The following RALGPS2 variants were observed in gnomAD, a reference collection of about 807,000 sequenced individuals.
RALGPS2 encodes the protein Ral GEF with PH domain and SH3 binding motif 2.
RALGPS2 carries 43 observed loss-of-function variants against 86.8 expected under a neutral mutation model. The observed-to-expected ratio is 0.50, with a 90% CI of 0.39 to 0.64. RALGPS2 has a LOEUF of 0.64. RALGPS2 is among the 30% of genes least tolerant of loss of function. RALGPS2 has a pLI of 0.00. For missense variants in RALGPS2, 536 were observed against 694.6 expected, an observed-to-expected ratio of 0.77 and a Z score of 2.57; for synonymous variants, 243 against 231.3, an observed-to-expected ratio of 1.05 and a Z score of -0.46.
chr1:178,890,682 C>G lies in RALGPS2; in HGVS notation c.1247+986C>G, dbSNP rs1346452327. On this transcript the variant is annotated intron_variant, in intron 14 of 19. Transcript: ENST00000367635. Reference sequence around the variant, plus strand: ...TTTATGTGACTTCATAAAGATTTCTCACTATTATGTGATTAAGATTTTGTT... The same window carrying G: ...TTTATGTGACTTCATAAAGATTTCTGACTATTATGTGATTAAGATTTTGTT... 2.0e-5 allele frequency among the ~76,000 whole-genome samples: 3 copies of G among 151,848 alleles called. 1 individual carries two copies. The highest frequency in any genetic ancestry group is 7.2e-5 in the African/African-American group (3 of 41,410).
At chr1:178,856,198 GAGAGATATATATAT>G (rs1353366627) in intron 8 of RALGPS2, among the ~76,000 whole-genome samples, 6 of 47,268 alleles carry the variant, frequency 1.3e-4, no homozygotes, top group African/African-American at 3.1e-4. Flanking sequence ...TCCAGAGAGA[GAGAGATATATATAT>G]ATATATATAT....
intron 8 of RALGPS2, among the ~76,000 whole-genome samples, chr1:178,834,254 T>G (rs1656162787): frequency 6.6e-6 from 1 of 152,154 alleles, no homozygotes; most frequent in African/African-American, 2.4e-5. Flanking sequence ...TACATTAAAA[T>G]GAATTGATTT....
At chr1:178,840,299 G>A (rs1257424278) in intron 8 of RALGPS2, among the ~76,000 whole-genome samples, 4 of 152,056 alleles carry the variant, frequency 2.6e-5, no homozygotes, top group Non-Finnish European at 5.9e-5. Context: ...ACAACAAACT[G>A]CCTCTCAGAC....
intron 15 of RALGPS2, among the ~76,000 whole-genome samples, chr1:178,893,499 A>G (rs1157886630): frequency 2.8e-5 from 4 of 143,928 alleles, no homozygotes; most frequent in African/African-American, 1.0e-4. Context: ...TTTTATATAT[A>G]CTTAAATACT....
At chr1:178,898,777 A>G (rs943014082) in intron 17 of RALGPS2, among the ~76,000 whole-genome samples, 6 of 152,076 alleles carry the variant, frequency 3.9e-5, no homozygotes, top group Admixed American at 1.3e-4. Flanking sequence ...TAGCTCTTGC[A>G]TTGAGATAAA....
chr1:178,815,180 A>G (rs931993714), intron 6 of RALGPS2, among the ~76,000 whole-genome samples: 3 of 152,086 alleles, frequency 2.0e-5, no homozygotes, highest in Non-Finnish European at 2.9e-5. Context: ...TCCTGGGTTC[A>G]TGTGATTCTC....
At chr1:178,829,016 A>G (rs1256169548) in intron 7 of RALGPS2, among the ~76,000 whole-genome samples, 2 of 152,196 alleles carry the variant, frequency 1.3e-5, no homozygotes, top group African/African-American at 4.8e-5. Flanking sequence ...TATGGAACCA[A>G]CCTAAATGTC....
chr1:178,831,493 G>C (rs1234821135), intron 7 of RALGPS2, among the ~76,000 whole-genome samples: 1 of 151,982 alleles, frequency 6.6e-6, no homozygotes, highest in Non-Finnish European at 1.5e-5. Context: ...ATCTGGTCAG[G>C]AACATCTAGA....
At chr1:178,776,346 A>G (rs1653082897) in intron 1 of RALGPS2, among the ~76,000 whole-genome samples, 1 of 152,172 alleles carries the variant, frequency 6.6e-6, no homozygotes, top group Non-Finnish European at 1.5e-5. Context: ...GGTATGTGTT[A>G]CTTTGCCACC....
intron 16 of RALGPS2, among the ~76,000 whole-genome samples, 181 bp from the exon 17 acceptor site, chr1:178,897,483 A>G (rs903902659): frequency 1.3e-5 from 2 of 152,050 alleles, no homozygotes; most frequent in Admixed American, 1.3e-4. Flanking sequence ...GTCTACAAAC[A>G]GGTAGTTACA....
At chr1:178,737,089 G>T (rs1261118119) in intron 1 of RALGPS2, among the ~76,000 whole-genome samples, 1 of 151,914 alleles carries the variant, frequency 6.6e-6, no homozygotes, top group African/African-American at 2.4e-5. Context: ...GTATTTCATT[G>T]AATCTAAAAT....
chr1:178,828,830 G>A lies in RALGPS2; in HGVS notation c.481-4594G>A, dbSNP rs185606307. Among the ~76,000 whole-genome samples the A allele has an allele frequency of 2.4e-3, 360 of 152,280 alleles. 1 individual carries two copies. The highest frequency in any genetic ancestry group is 8.1e-3 in the South Asian group (39 of 4,812). On this transcript the variant is annotated intron_variant, in intron 7 of 19. Coordinates refer to ENST00000367635, the MANE Select transcript of RALGPS2 (RefSeq NM_152663.5). Reference sequence around the variant, plus strand: ...ACTGTTGTACAGTGTTGGTGGGAATGTAAATTGGTACAGTCATGGAAAACA... The same window carrying A: ...ACTGTTGTACAGTGTTGGTGGGAATATAAATTGGTACAGTCATGGAAAACA...
chr1:178,902,686 A>G (rs1412343746), intron 18 of RALGPS2, among the ~76,000 whole-genome samples: 1 of 152,138 alleles, frequency 6.6e-6, no homozygotes, highest in African/African-American at 2.4e-5. Context: ...ATCACTTTTA[A>G]TTAAATTATT....
intron 8 of RALGPS2, chr1:178,850,691 C>T (rs2102289399): frequency 6.6e-6 from 1 of 152,474 alleles, no homozygotes. Context: ...AGGTTTCTCC[C>T]TAATTTTCTG....
In RALGPS2 at chr1:178,920,652, C is replaced by T. The variant is rs1647269456; in HGVS notation, c.*4293C>T. ...CCCAGTCAACCTTTAGATAAGCACT[C>T]TTAAAAACAAATTTGAAGAGCACTC... On this transcript the variant is annotated 3_prime_UTR_variant, in exon 20 of 20. Coordinates refer to ENST00000367635, the MANE Select transcript of RALGPS2 (RefSeq NM_152663.5). 1.3e-5 allele frequency: 2 copies of T among 151,956 alleles called. No homozygotes were observed. The highest frequency in any genetic ancestry group is 4.1e-4 in the South Asian group (2 of 4,826). The allele number at this position is 151,956 out of a possible 1,614,324, so 9.4% of individuals were successfully genotyped here.
chr1:178,751,611 A>G (rs1168843210), intron 1 of RALGPS2, among the ~76,000 whole-genome samples: 2 of 152,174 alleles, frequency 1.3e-5, no homozygotes, highest in East Asian at 3.8e-4. Flanking sequence ...TAAATGAAGA[A>G]CAGTGTTTCA....
At chr1:178,728,402 CT>C (rs67007360) in intron 1 of RALGPS2, among the ~76,000 whole-genome samples, 22 of 129,598 alleles carry the variant, frequency 1.7e-4, no homozygotes, top group African/African-American at 2.0e-4. Context: ...CGAAAGTATG[CT>C]TTTTTTTTTT....
chr1:178,794,718 C>G (rs1654108415), intron 4 of RALGPS2, among the ~76,000 whole-genome samples: 1 of 152,118 alleles, frequency 6.6e-6, no homozygotes, highest in Non-Finnish European at 1.5e-5. Context: ...GGTTTTCTTT[C>G]CAGTAGCAAT....
At chr1:178,765,872 A>G (rs1271375343) in intron 1 of RALGPS2, among the ~76,000 whole-genome samples, 1 of 152,226 alleles carries the variant, frequency 6.6e-6, no homozygotes, top group African/African-American at 2.4e-5. Flanking sequence ...TGCCCGGCCC[A>G]CAGGCAGCCA....
Sources: gnomAD v4.1 joint callset for allele counts (sites outside exome capture counted in the v4.1 genomes callset) on GRCh38, gnomAD v4.1.1 for gene constraint, MANE v1.5 for transcripts, NCBI Gene and HGNC (gene_info 2026-07-23, HGNC 2026-07-21) for gene names.